The following SDK1 variants were observed in gnomAD, a reference collection of about 807,000 sequenced individuals.
The protein encoded by SDK1 is protein sidekick-1.
A neutral mutation model predicts 245.5 loss-of-function variants in SDK1; 157 were observed. That is an observed-to-expected ratio of 0.64 (90% CI 0.56 to 0.73). The LOEUF is 0.73. Among genes scored for constraint, SDK1 ranks in the 30% least tolerant of loss-of-function variants. The pLI is 0.00. For synonymous variants in SDK1, 1,647 were observed against 1,278.5 expected, an observed-to-expected ratio of 1.29 and a Z score of -6.15; for missense variants, 3,583 against 3,002.3, an observed-to-expected ratio of 1.19 and a Z score of -4.52.
chr7:4,265,966 C>T lies in SDK1; in HGVS notation c.*582C>T, dbSNP rs996431962. ...ACTTGGCAGTGTCTAGTCAAGGAGT[C>T]GGCTTTCAGGTTCCTGACGGCCAGG... On this transcript the variant is annotated 3_prime_UTR_variant, in exon 45 of 45. Transcript: ENST00000404826. 8 of 985,606 alleles carry T rather than the reference C, an allele frequency of 8.1e-6. No individual in the cohort carries two copies. The highest frequency in any genetic ancestry group is 4.7e-5 in the South Asian group (1 of 21,294). The allele number at this position is 985,606 out of a possible 1,614,324, so 61.1% of individuals were successfully genotyped here.
chr7:3,842,736 G>C (rs1157445017), intron 5 of SDK1, among the ~76,000 whole-genome samples: 1 of 152,090 alleles, frequency 6.6e-6, no homozygotes, highest in African/African-American at 2.4e-5. Context: ...GAGTGGGAGG[G>C]TTGTGCTCCT....
rs141025583 is a variant in SDK1, at chr7:3,316,628, T to C, written c.298+14744T>C. ...GGGTAGTGCTTGGATCACAGAAATG[T>C]GCCACTTTCTGAGAATGCCCTAGTA... On this transcript the variant is annotated intron_variant, in intron 1 of 44. Transcript: ENST00000404826. Among the ~76,000 whole-genome samples, 255 of 152,326 alleles carry C rather than the reference T, an allele frequency of 1.7e-3. 1 individual carries two copies. The highest frequency in any genetic ancestry group is 0.012 in the South Asian group (59 of 4,822).
chr7:4,137,498 C>T (rs1779169280), intron 28 of SDK1, among the ~76,000 whole-genome samples: 1 of 152,148 alleles, frequency 6.6e-6, no homozygotes, highest in Non-Finnish European at 1.5e-5. Context: ...TGGCGCAGTC[C>T]CTTTCTGGAT....
chr7:3,348,240 G>A (rs1283549486), intron 1 of SDK1, among the ~76,000 whole-genome samples: 1 of 152,148 alleles, frequency 6.6e-6, no homozygotes, highest in East Asian at 1.9e-4. Flanking sequence ...GTGATCCGAG[G>A]CAATTTTATT....
chr7:4,173,369 C>T (rs1055050108), intron 32 of SDK1, among the ~76,000 whole-genome samples: 4 of 152,144 alleles, frequency 2.6e-5, no homozygotes, highest in African/African-American at 9.7e-5. Context: ...ACATCCTCCC[C>T]AAATGTACTT....
intron 5 of SDK1, among the ~76,000 whole-genome samples, chr7:3,904,156 A>G (rs914320034): frequency 6.6e-6 from 1 of 152,204 alleles, no homozygotes; most frequent in Admixed American, 6.5e-5. Context: ...AACCTTGAAA[A>G]CATTATGCTG....
chr7:3,870,738 C>A (rs1780935387), intron 5 of SDK1, among the ~76,000 whole-genome samples: 1 of 152,044 alleles, frequency 6.6e-6, no homozygotes, highest in Non-Finnish European at 1.5e-5. Context: ...GGTACATTAC[C>A]ATTAACCAAA....
chr7:3,535,544 TCTTAA>T (rs1011810708), intron 1 of SDK1, among the ~76,000 whole-genome samples: 3 of 152,128 alleles, frequency 2.0e-5, no homozygotes, highest in African/African-American at 7.2e-5. Context: ...TATGCAGGCT[TCTTAA>T]CTTCTTTGCT....
chr7:3,931,622 C>G (rs1320476736), intron 5 of SDK1, among the ~76,000 whole-genome samples: 1 of 152,216 alleles, frequency 6.6e-6, no homozygotes, highest in Non-Finnish European at 1.5e-5. Flanking sequence ...GCTCCTTAAA[C>G]TCCCCGCCAT....
At chr7:3,456,554 C>G (rs1210961910) in intron 1 of SDK1, among the ~76,000 whole-genome samples, 1 of 152,092 alleles carries the variant, frequency 6.6e-6, no homozygotes, top group African/African-American at 2.4e-5. Context: ...CTTTAACTTT[C>G]ATTTGTTTTT....
chr7:3,926,674 G>A (rs574230490), intron 5 of SDK1, among the ~76,000 whole-genome samples: 5 of 152,234 alleles, frequency 3.3e-5, no homozygotes, highest in African/African-American at 9.6e-5. Context: ...CCACCGTGAG[G>A]TCCTGTTTTG....
At chr7:3,512,344 C>T (rs1782608416) in intron 1 of SDK1, among the ~76,000 whole-genome samples, 2 of 152,138 alleles carry the variant, frequency 1.3e-5, no homozygotes, top group South Asian at 2.1e-4. Flanking sequence ...GTGGCTATAT[C>T]AAAGTTTATG....
At chr7:4,139,890 G>A (rs982255748) in intron 28 of SDK1, among the ~76,000 whole-genome samples, 2 of 152,130 alleles carry the variant, frequency 1.3e-5, no homozygotes, top group Admixed American at 6.5e-5. Flanking sequence ...CGGGACTCAG[G>A]CAGGGAGAGT....
chr7:3,377,374 A>G (rs971160066), intron 1 of SDK1, among the ~76,000 whole-genome samples: 2 of 152,098 alleles, frequency 1.3e-5, no homozygotes, highest in Admixed American at 6.6e-5. Context: ...AGTTGTGTGG[A>G]CATTCCAGCT....
intron 25 of SDK1, among the ~76,000 whole-genome samples, chr7:4,127,114 A>G (rs1784438212): frequency 6.6e-6 from 1 of 152,234 alleles, no homozygotes; most frequent in Non-Finnish European, 1.5e-5. Flanking sequence ...AAGTTAATAC[A>G]GCAAACAGAC....
chr7:3,435,769 C>A (rs1172854488), intron 1 of SDK1, among the ~76,000 whole-genome samples: 1 of 152,146 alleles, frequency 6.6e-6, no homozygotes, highest in Non-Finnish European at 1.5e-5. Flanking sequence ...CATCTTGTGG[C>A]TTGTTCTCTG....
intron 19 of SDK1, among the ~76,000 whole-genome samples, chr7:4,065,010 G>A (rs528287175): frequency 6.6e-6 from 1 of 152,188 alleles, no homozygotes; most frequent in African/African-American, 2.4e-5. Flanking sequence ...ACAGTAGAGT[G>A]ACTACAGCTA....
At chr7:4,125,995 A>G (rs911905848) in intron 25 of SDK1, among the ~76,000 whole-genome samples, 2 of 152,194 alleles carry the variant, frequency 1.3e-5, no homozygotes, top group Admixed American at 6.5e-5. Flanking sequence ...CACCTGATTC[A>G]AAAGGAGACT....
At chr7:4,014,399 G>A (rs1355941173) in intron 16 of SDK1, among the ~76,000 whole-genome samples, 1 of 152,222 alleles carries the variant, frequency 6.6e-6, no homozygotes, top group African/African-American at 2.4e-5. Flanking sequence ...GCTCCAAGAT[G>A]AGGGTGCAGT....
Sources: gnomAD v4.1 joint callset for allele counts (sites outside exome capture counted in the v4.1 genomes callset) on GRCh38, gnomAD v4.1.1 for gene constraint, MANE v1.5 for transcripts, NCBI Gene and HGNC (gene_info 2026-07-23, HGNC 2026-07-21) for gene names.